Variants in DPF1 observed in about 807,000 individuals in gnomAD.
DPF1 encodes the protein double PHD fingers 1.
Under a neutral mutation model 58.7 loss-of-function variants are expected in DPF1, and 14 were observed. The ratio of observed to expected loss-of-function variants is 0.24; its 90% CI spans 0.16 to 0.37. DPF1 has a LOEUF of 0.37. Among genes scored for constraint, DPF1 ranks in the 10% least tolerant of loss-of-function variants. The probability of loss-of-function intolerance (pLI) is 1.00; values close to 1 mark genes in which losing one functional copy is unlikely to be tolerated. For missense variants in DPF1, 345 were observed against 529.9 expected, an observed-to-expected ratio of 0.65 and a Z score of 3.43; for synonymous variants, 216 against 216.0, an observed-to-expected ratio of 1.00 and a Z score of 0.00.
At chr19:38,218,463 A>G (rs986682557) in intron 5 of DPF1, 110 bp downstream of exon 5, 15 of 1,149,934 alleles carry the variant, frequency 1.3e-5, no homozygotes, top group Admixed American at 5.6e-5. Context: ...TGGGGATTCA[A>G]TGAGGTCAGA....
intron 9 of DPF1, 173 bp from the exon 10 acceptor site, chr19:38,213,929 T>TC: frequency 1.7e-6 from 1 of 577,140 alleles, no homozygotes; most frequent in South Asian, 2.1e-5. Flanking sequence ...CCGGCAGCAG[T>TC]CCCCCGGCCA....
Position 38,218,655 on chromosome 19 carries a change from T to G in DPF1, c.434A>C (p.Gln145Pro). The change falls in exon 5 of 12, where the codon CAG (glutamine) becomes CCG (proline). Residue 145 changes from glutamine (Q) to proline (P), a missense_variant. Transcript: ENST00000355526. The part of the protein sequence containing the change: ...EETIMDCQKQ[Q>P]LLEFPHDLEV... ...GAGGTCATGCGGAAACTCCAGCAAC[T>G]GCTGTTTCTGGGCAATAGAGAAAGG... 6.2e-7 allele frequency: 1 copy of G among 1,614,178 alleles called. No individual in the cohort carries two copies. The highest frequency in any genetic ancestry group is 8.5e-7 in the Non-Finnish European group (1 of 1,179,998).
rs1207860649 is a variant in DPF1 at position 38,222,639 on chromosome 19, C to T, written c.99G>A (p.Glu33=). 5 of 1,610,088 alleles carry T rather than the reference C, an allele frequency of 3.1e-6. No homozygotes were observed. The African/African-American group carries it at 6.7e-5, about 22-fold the overall frequency. Residue 33 remains glutamate, a synonymous_variant, in exon 2 of 12, where the codon GAG becomes GAA. Coordinates refer to ENST00000355526, the MANE Select transcript of DPF1 (RefSeq NM_001135155.3). This position sits in a 1 kb window ranked among gnomAD's most constrained non-coding sequence, Gnocchi z 4.9. ...CRSYNARLCA[E]RSLRLPFLDS... Reference sequence around the variant, plus strand: ...CGAGGAAGGGCAGTCGCAGGCTGCGCTCGGCGCACAGGCGCGCGTTGTAAC... The same window carrying T: ...CGAGGAAGGGCAGTCGCAGGCTGCGTTCGGCGCACAGGCGCGCGTTGTAAC...
At chr19:38,224,620 C>T (rs1967737621), upstream of DPF1, among the ~76,000 whole-genome samples, 1 of 152,158 alleles carries the variant, frequency 6.6e-6, no homozygotes, top group Non-Finnish European at 1.5e-5. This position sits in a 1 kb window ranked among gnomAD's most constrained non-coding sequence, Gnocchi z 4.5. Context: ...ACAGACTTCT[C>T]ACCAACATGC....
rs899368786 is a variant in DPF1 at position 38,211,224 on chromosome 19, C to T, written c.*839G>A. On this transcript the variant is annotated 3_prime_UTR_variant, in exon 12 of 12. Coordinates refer to ENST00000355526, the MANE Select transcript of DPF1 (RefSeq NM_001135155.3). The surrounding 1 kb of genome is among the most constrained non-coding windows in gnomAD (Gnocchi z 4.0). ...ACCACAAGAAACAACCACGCCCCCT[C>T]ACTCCCCCAAAATGGCCAGCGAGGG... is the stretch of plus-strand genomic sequence containing the variant. 3 of 152,300 alleles carry T rather than the reference C, an allele frequency of 2.0e-5. No homozygotes were observed. The highest frequency in any genetic ancestry group is 2.9e-5 in the Non-Finnish European group (2 of 68,118). 9.4% of individuals were successfully genotyped at this position (152,300 alleles called of 1,614,324 possible).
At chr19:38,220,946 A>G (rs2146194217) in intron 3 of DPF1, among the ~76,000 whole-genome samples, 2 of 152,318 alleles carry the variant, frequency 1.3e-5, no homozygotes, top group South Asian at 4.1e-4. Context: ...ACTGGCACAC[A>G]CGTGCAGAAA....
intron 3 of DPF1, 140 bp from the exon 4 acceptor site, chr19:38,219,198 G>A: frequency 1.6e-6 from 2 of 1,279,290 alleles, no homozygotes; most frequent in Non-Finnish European, 2.1e-6. Context: ...CCCTAGGAGG[G>A]AGGCCCAGAC....
chr19:38,218,483 G>T, intron 5 of DPF1, 90 bp downstream of exon 5: 1 of 1,372,938 alleles, frequency 7.3e-7, no homozygotes, highest in Non-Finnish European at 1.0e-6. Context: ...ACTGAGGTCA[G>T]ACTGTGGCAG....
At position 38,218,936 on chromosome 19, in the gene DPF1, A is replaced by T. The variant is rs1313442413; in HGVS notation, c.421T>A (p.Cys141Ser). ...ELKEEETIMDCQKQQLLEFPH... is the reference protein window; with the variant it reads ...ELKEEETIMDSQKQQLLEFPH... ...TCCCCCAGAGGTGGGCCCACCTGAC[A>T]GTCCATAATGGTCTCCTCCTCCTTC... Residue 141 changes from cysteine to serine, a missense_variant, in exon 4 of 12, where the codon TGT (cysteine) becomes AGT (serine). By Grantham distance (112) the Cys-to-Ser change is moderately radical. Transcript: ENST00000355526. 4 of 1,614,078 alleles carry T rather than the reference A, an allele frequency of 2.5e-6. No individual in the cohort carries two copies. Among genetic ancestry groups the T allele is most frequent in the Non-Finnish European group, 2.5e-6 (3 of 1,179,986 alleles).
chr19:38,227,760 G>C (rs1309449854), upstream of DPF1, among the ~76,000 whole-genome samples: 1 of 152,140 alleles, frequency 6.6e-6, no homozygotes, highest in African/African-American at 2.4e-5. Flanking sequence ...GGGAACATTC[G>C]TGGCTCAAGC....
chr19:38,216,444 C>CAAGG (rs746143809), intron 7 of DPF1, 41 bp from the exon 8 acceptor site: 2 of 1,541,356 alleles, frequency 1.3e-6, no homozygotes, highest in African/African-American at 2.7e-5. Flanking sequence ...TCACCACAGG[C>CAAGG]AAGGCTCCAC....
In DPF1 at chr19:38,222,540, G is replaced by T. The variant is rs776556119; in HGVS notation, c.190+8C>A. 6.2e-7 allele frequency: 1 copy of T among 1,604,864 alleles called. No homozygotes were observed. The highest frequency in any genetic ancestry group is 1.7e-5 in the Admixed American group (1 of 58,996). On this transcript the variant is annotated splice_region_variant and intron_variant, in intron 2 of 11. Coordinates refer to ENST00000355526, the MANE Select transcript of DPF1 (RefSeq NM_001135155.3). The surrounding 1 kb of genome is among the most constrained non-coding windows in gnomAD (Gnocchi z 4.9). ...CGCCCCGCCCTGCGCCAGCCCTCCC[G>T]GCGGTACCCGGCCCGCGGTGGGTCT... is the stretch of plus-strand genomic sequence containing the variant.
chr19:38,219,159 G>A (rs182296034), intron 3 of DPF1, 101 bp from the exon 4 acceptor site: 1 of 1,507,894 alleles, frequency 6.6e-7, no homozygotes, highest in Admixed American at 1.9e-5. Flanking sequence ...GGAGGGAAGA[G>A]GCTGCAGAGG....
At chr19:38,224,525 TCACA>T (rs934366187), upstream of DPF1, among the ~76,000 whole-genome samples, 1 of 151,992 alleles carries the variant, frequency 6.6e-6, no homozygotes, top group Non-Finnish European at 1.5e-5. This position sits in a 1 kb window ranked among gnomAD's most constrained non-coding sequence, Gnocchi z 4.5. Context: ...ACACTCCTAC[TCACA>T]CACCTTCGCA....
chr19:38,219,492 C>CT (rs3837970), intron 3 of DPF1: 2,032 of 154,598 alleles, frequency 0.013, 37 homozygotes, highest in African/African-American at 0.045. Flanking sequence ...TGTCTTTTTT[C>CT]TTTTTTTTTT....
intron 10 of DPF1, among the ~76,000 whole-genome samples, chr19:38,212,656 G>A (rs1031791321): frequency 1.3e-5 from 2 of 151,932 alleles, no homozygotes; most frequent in African/African-American, 4.8e-5. Context: ...TGTTGCCCAG[G>A]CTGGAAGTGC....
In DPF1 at chr19:38,222,724, A is replaced by G. The variant is rs1445093462; in HGVS notation, c.30-16T>C. The G allele has an allele frequency of 6.4e-7, 1 of 1,570,280 alleles. No homozygotes were observed. Among genetic ancestry groups the G allele is most frequent in the African/African-American group, 1.4e-5 (1 of 72,044 alleles). On this transcript the variant is annotated splice_polypyrimidine_tract_variant and intron_variant, in intron 1 of 11. Transcript: ENST00000355526. This position sits in a 1 kb window ranked among gnomAD's most constrained non-coding sequence, Gnocchi z 4.9. ...CTCGCCTAGGCTAGAGGGGCGGCGA[A>G]CGGGCGGGCGGCTGTCAGCAAGGGC... is the stretch of plus-strand genomic sequence containing the variant.
chr19:38,220,803 G>A (rs1279767369), intron 3 of DPF1, among the ~76,000 whole-genome samples: 1 of 152,074 alleles, frequency 6.6e-6, no homozygotes, highest in Non-Finnish European at 1.5e-5. Flanking sequence ...AGACAGACAG[G>A]AAGAGACACA....
At chr19:38,216,669 C>T (rs909780872) in intron 7 of DPF1, among the ~76,000 whole-genome samples, 1 of 152,130 alleles carries the variant, frequency 6.6e-6, no homozygotes, top group Admixed American at 6.5e-5. Context: ...CTCCAGTGAT[C>T]CTCCCACCTC....
Sources: gnomAD v4.1 joint callset for allele counts (sites outside exome capture counted in the v4.1 genomes callset) on GRCh38, gnomAD v4.1.1 for gene constraint, Gnocchi (gnomAD v3.1) non-coding constraint, MANE v1.5 for transcripts, NCBI Gene and HGNC (gene_info 2026-07-23, HGNC 2026-07-21) for gene names.